PCDH15: variants seen among roughly 807,000 people sequenced by gnomAD.
PCDH15 encodes protocadherin-15.
A neutral mutation model predicts 178.5 loss-of-function variants in PCDH15; 129 were observed. The observed-to-expected ratio is 0.72, with a 90% CI of 0.63 to 0.84. The LOEUF (loss-of-function observed/expected upper bound fraction) is 0.84. Ranked by LOEUF, PCDH15 falls within the 40% of genes least tolerant of loss-of-function variation. The probability of loss-of-function intolerance (pLI) is 0.00; values close to 1 mark genes in which losing one functional copy is unlikely to be tolerated. For missense variants in PCDH15, 2,230 were observed against 2,099.9 expected, an observed-to-expected ratio of 1.06 and a Z score of -1.21; for synonymous variants, 800 against 732.0, an observed-to-expected ratio of 1.09 and a Z score of -1.50.
intron 3 of PCDH15, among the ~76,000 whole-genome samples, chr10:54,389,784 C>CAA (rs35298368): frequency 0.093 from 6,480 of 69,862 alleles, 183 homozygotes; most frequent in Admixed American, 0.17. Context: ...AATAAAAATA[C>CAA]AAAAAAAAAA....
At chr10:54,801,286 AC>A (rs1252645831), upstream of PCDH15, 10 of 152,210 alleles carry the variant, frequency 6.6e-5, no homozygotes, top group African/African-American at 2.4e-4. Context: ...TTAGCTCAGC[AC>A]GTTGATTTCA....
chr10:54,871,912 C>T (rs908955074), intron 3 of PCDH15, among the ~76,000 whole-genome samples: 1 of 152,016 alleles, frequency 6.6e-6, no homozygotes, highest in Non-Finnish European at 1.5e-5. Context: ...GAGTGTAATA[C>T]TTTCCAGATA....
chr10:55,168,005 A>G, intron 1 of PCDH15, among the ~76,000 whole-genome samples: 1 of 152,298 alleles, frequency 6.6e-6, no homozygotes, highest in South Asian at 2.1e-4. Context: ...AGAAATGCAT[A>G]CAAGTCAATT....
At chr10:55,144,395 A>T (rs1266732166) in intron 2 of PCDH15, among the ~76,000 whole-genome samples, 1 of 152,134 alleles carries the variant, frequency 6.6e-6, no homozygotes, top group Non-Finnish European at 1.5e-5. Context: ...GGTGTACACT[A>T]CTGGCTTTCT....
At chr10:55,609,460 TGTAAA>T (rs996938031) in intron 2 of PCDH15, among the ~76,000 whole-genome samples, 2 of 152,132 alleles carry the variant, frequency 1.3e-5, no homozygotes, top group African/African-American at 4.8e-5. Flanking sequence ...TTTAATAATC[TGTAAA>T]GTATTGTTAG....
At chr10:55,250,175 AGC>A (rs1476430216) in intron 1 of PCDH15, among the ~76,000 whole-genome samples, 44 of 152,182 alleles carry the variant, frequency 2.9e-4, no homozygotes, top group African/African-American at 9.6e-4. Context: ...CCTGTTCTGG[AGC>A]CTGGAGTGCA....
Position 54,836,003 on chromosome 10 carries a change from C to T in PCDH15, c.-29+61447G>A, listed in dbSNP as rs1471969524. On this transcript the variant is annotated intron_variant, in intron 3 of 5. Coordinates refer to the PCDH15 transcript ENST00000458638. Reference sequence around the variant, plus strand: ...GACAAGGTGGAAAACTATTGTCATACGTTTTAAAGAAATAGAATAACTCAT... The same window carrying T: ...GACAAGGTGGAAAACTATTGTCATATGTTTTAAAGAAATAGAATAACTCAT... 5.9e-5 allele frequency among the ~76,000 whole-genome samples: 9 copies of T among 151,932 alleles called. No homozygotes were observed. The South Asian group carries it at 1.0e-3, about 18-fold the overall frequency.
At chr10:55,234,921 T>C (rs1005175208) in intron 1 of PCDH15, among the ~76,000 whole-genome samples, 1 of 151,938 alleles carries the variant, frequency 6.6e-6, no homozygotes, top group Non-Finnish European at 1.5e-5. Context: ...ATTTTTCTAA[T>C]ATAGGAAAAT....
At chr10:55,241,220 A>G (rs1372762492) in intron 1 of PCDH15, among the ~76,000 whole-genome samples, 1 of 152,116 alleles carries the variant, frequency 6.6e-6, no homozygotes, top group Non-Finnish European at 1.5e-5. Context: ...CATGTCAAAA[A>G]CAAACAAACA....
At chr10:54,655,721 T>C (rs564985402) in intron 2 of PCDH15, 2 of 152,242 alleles carry the variant, frequency 1.3e-5, no homozygotes, top group African/African-American at 2.4e-5. Context: ...GGAAAAGATA[T>C]ATGCTTTCAA....
chr10:54,620,711 C>T (rs1036436670), intron 2 of PCDH15, among the ~76,000 whole-genome samples: 13 of 151,784 alleles, frequency 8.6e-5, no homozygotes, highest in African/African-American at 2.9e-4. Flanking sequence ...TACTGTAAAA[C>T]TCTATTATTT....
intron 8 of PCDH15, among the ~76,000 whole-genome samples, chr10:54,242,277 T>G (rs1382062266): frequency 1.3e-5 from 2 of 148,970 alleles, no homozygotes; most frequent in Non-Finnish European, 3.0e-5. Flanking sequence ...TTTTGTAGAT[T>G]TAATAAAATC....
chr10:54,828,059 A>G (rs941671453), intron 3 of PCDH15, among the ~76,000 whole-genome samples: 7 of 152,058 alleles, frequency 4.6e-5, no homozygotes, highest in Non-Finnish European at 2.9e-5. Flanking sequence ...TGGATATTTC[A>G]TAAATGCTGT....
In PCDH15 at chr10:53,827,496, C is replaced by G; in HGVS notation, c.4264G>C (p.Ala1422Pro). 6.2e-7 allele frequency: 1 copy of G among 1,613,990 alleles called. No individual in the cohort carries two copies. The highest frequency in any genetic ancestry group is 2.2e-5 in the East Asian group (1 of 44,884). Reference sequence around the variant, plus strand: ...GCAGGAGCCGGCACTGCTGGTTTAGCCGCGGGTAATGCGGCCTGAATTCGT... The same window carrying G: ...GCAGGAGCCGGCACTGCTGGTTTAGGCGCGGGTAATGCGGCCTGAATTCGT... ...TARIQAALPA[A>P]KPAVPAPAPV... The change falls in exon 32 of 38, where the codon GCT (alanine) becomes CCT (proline). Residue 1422 changes from alanine (A) to proline (P), a missense_variant. Coordinates refer to ENST00000644397, the MANE Select transcript of PCDH15 (RefSeq NM_001384140.1).
chr10:54,435,505 C>G (rs1589395627), intron 3 of PCDH15, among the ~76,000 whole-genome samples: 2 of 151,978 alleles, frequency 1.3e-5, no homozygotes, highest in Non-Finnish European at 2.9e-5. Flanking sequence ...ATGCAGCTGC[C>G]GAACAAATAT....
chr10:55,424,625 G>A (rs1838707016), intron 2 of PCDH15, among the ~76,000 whole-genome samples: 2 of 152,126 alleles, frequency 1.3e-5, no homozygotes, highest in South Asian at 4.2e-4. Flanking sequence ...GACAACCTCA[G>A]CCCAATTCTA....
At chr10:54,111,023 T>TCC (rs930091558) in intron 15 of PCDH15, among the ~76,000 whole-genome samples, 1 of 152,184 alleles carries the variant, frequency 6.6e-6, no homozygotes, top group African/African-American at 2.4e-5. Context: ...CAGTTGAGTC[T>TCC]CCCATTGTTC....
intron 2 of PCDH15, among the ~76,000 whole-genome samples, chr10:54,622,660 A>T (rs1590624642): frequency 6.4e-5 from 6 of 94,002 alleles, no homozygotes; most frequent in South Asian, 5.5e-4. Flanking sequence ...TATACTATAT[A>T]ATATATATTA....
At chr10:54,956,360 C>G (rs1017641383) in intron 2 of PCDH15, among the ~76,000 whole-genome samples, 2 of 151,470 alleles carry the variant, frequency 1.3e-5, no homozygotes, top group Admixed American at 6.6e-5. Flanking sequence ...AATGATTTTT[C>G]TCCATGAGTG....
Sources: gnomAD v4.1 joint callset for allele counts (sites outside exome capture counted in the v4.1 genomes callset) on GRCh38, gnomAD v4.1.1 for gene constraint, MANE v1.5 for transcripts, NCBI Gene and HGNC (gene_info 2026-07-23, HGNC 2026-07-21) for gene names.